The following ARHGAP19 variants were observed in gnomAD, a reference collection of about 807,000 sequenced individuals.
ARHGAP19 encodes the protein Rho GTPase activating protein 19, also known as rho GTPase-activating protein 19.
A neutral mutation model predicts 60.9 loss-of-function variants in ARHGAP19; 48 were observed. That is an observed-to-expected ratio of 0.79 (90% CI 0.62 to 1.00). The LOEUF (loss-of-function observed/expected upper bound fraction) is 1.00. Ranked by LOEUF, ARHGAP19 falls within the 50% of genes least tolerant of loss-of-function variation. The probability of loss-of-function intolerance (pLI) is 0.00; values close to 1 mark genes in which losing one functional copy is unlikely to be tolerated. For synonymous variants in ARHGAP19, 209 were observed against 215.5 expected (o/e 0.97, Z 0.27); for missense variants, 562 against 597.2 (o/e 0.94, Z 0.61).
chr10:97,291,122 T>C (rs1009051804), intron 1 of ARHGAP19, among the ~76,000 whole-genome samples: 3 of 152,102 alleles, frequency 2.0e-5, no homozygotes, highest in Non-Finnish European at 4.4e-5. Flanking sequence ...AATCATCTCT[T>C]GCCTGAGAGC....
chr10:97,235,231 T>G lies in ARHGAP19; in HGVS notation c.1270A>C (p.Ser424Arg), dbSNP rs769585651. 1.1e-5 allele frequency: 18 copies of G among 1,613,032 alleles called. No individual in the cohort carries two copies. Among genetic ancestry groups the G allele is most frequent in the Middle Eastern group, 1.6e-4 (1 of 6,082 alleles). The change falls in exon 9 of 12, where the codon AGT becomes CGT. Residue 424 changes from serine to arginine, a missense_variant. By Grantham distance (110) the Ser-to-Arg change is moderately radical. Transcript: ENST00000358531. ...AGCATACCTACCTTAATAAGCCCAC[T>G]GAAGGAGCGCGAACGAGCCCTCTTT... is the stretch of plus-strand genomic sequence containing the variant. The part of the protein sequence containing the change: ...VQKRARSRSF[S>R]GLIKRKVLGN...
chr10:97,238,132 A>G (rs1452695153), intron 8 of ARHGAP19, among the ~76,000 whole-genome samples: 2 of 152,218 alleles, frequency 1.3e-5, no homozygotes, highest in Non-Finnish European at 2.9e-5. Flanking sequence ...AATAAGATGT[A>G]GAGGCAGAAG....
At chr10:97,292,462 G>A (rs1411656342) in intron 1 of ARHGAP19, 110 bp downstream of exon 1, 12 of 1,390,060 alleles carry the variant, frequency 8.6e-6, no homozygotes, top group Admixed American at 5.5e-5. Flanking sequence ...AAACGCCGTG[G>A]GAGAAAGAAA....
chr10:97,268,388 T>C (rs1004674837), intron 1 of ARHGAP19, among the ~76,000 whole-genome samples: 3 of 152,226 alleles, frequency 2.0e-5, no homozygotes, highest in Non-Finnish European at 2.9e-5. Flanking sequence ...CTCTGCCTGT[T>C]ACTCAGTTCA....
chr10:97,260,824 T>C (rs146998600), intron 4 of ARHGAP19, among the ~76,000 whole-genome samples: 36 of 151,028 alleles, frequency 2.4e-4, no homozygotes, highest in Middle Eastern at 6.8e-3. Flanking sequence ...TCAGGCACAG[T>C]GGCACATGCC....
At chr10:97,289,998 G>A (rs1235378886) in intron 1 of ARHGAP19, among the ~76,000 whole-genome samples, 1 of 151,664 alleles carries the variant, frequency 6.6e-6, no homozygotes, top group Non-Finnish European at 1.5e-5. Flanking sequence ...GATGAAGGAT[G>A]ATCTAATCAA....
intron 1 of ARHGAP19, among the ~76,000 whole-genome samples, chr10:97,267,512 T>G (rs1842912894): frequency 6.6e-6 from 1 of 152,268 alleles, no homozygotes. Context: ...ATGGGGACTC[T>G]GTATGGGGGC....
At chr10:97,287,527 AG>A (rs1052792373) in intron 1 of ARHGAP19, among the ~76,000 whole-genome samples, 1 of 152,124 alleles carries the variant, frequency 6.6e-6, no homozygotes, top group Non-Finnish European at 1.5e-5. Flanking sequence ...GGAATGCTTG[AG>A]CCCAGGAGTT....
At chr10:97,227,866 TG>T (rs1232148155) in intron 11 of ARHGAP19, among the ~76,000 whole-genome samples, 1 of 152,258 alleles carries the variant, frequency 6.6e-6, no homozygotes, top group African/African-American at 2.4e-5. Flanking sequence ...AATATTAGAC[TG>T]GTTTTTAAAA....
At chr10:97,273,461 C>G (rs1201417767) in intron 1 of ARHGAP19, among the ~76,000 whole-genome samples, 2 of 150,632 alleles carry the variant, frequency 1.3e-5, no homozygotes, top group South Asian at 4.2e-4. Context: ...CCACGCCCAG[C>G]CTATTTCATT....
chr10:97,252,582 C>T (rs570149185), intron 6 of ARHGAP19, among the ~76,000 whole-genome samples: 221 of 152,008 alleles, frequency 1.5e-3, no homozygotes, highest in African/African-American at 5.2e-3. Flanking sequence ...TGAGATCGCG[C>T]CACTGCACTC....
chr10:97,251,429 G>A (rs1196740925), intron 6 of ARHGAP19, among the ~76,000 whole-genome samples: 2 of 52,956 alleles, frequency 3.8e-5, no homozygotes, highest in African/African-American at 8.5e-5. Flanking sequence ...GGGAAGGGAA[G>A]GGGAAGGGGA....
At chr10:97,259,900 A>C in intron 4 of ARHGAP19, among the ~76,000 whole-genome samples, 1 of 151,846 alleles carries the variant, frequency 6.6e-6, no homozygotes, top group African/African-American at 2.4e-5. Flanking sequence ...CAGTTACACA[A>C]TCTCAGCTCA....
chr10:97,233,130 T>C (rs779710972), intron 9 of ARHGAP19, among the ~76,000 whole-genome samples: 12 of 151,176 alleles, frequency 7.9e-5, no homozygotes, highest in South Asian at 4.2e-4. Flanking sequence ...GCCTGAGGCA[T>C]AGAGCGAGAC....
At chr10:97,251,240 AAGGGAAGGGGG>A (rs1290184165) in intron 6 of ARHGAP19, among the ~76,000 whole-genome samples, 9 of 19,120 alleles carry the variant, frequency 4.7e-4, no homozygotes, top group African/African-American at 6.4e-4. Flanking sequence ...AGGGAAGGGG[AAGGGAAGGGGG>A]AGGGAAGGGG....
At chr10:97,290,010 T>G (rs1843209229) in intron 1 of ARHGAP19, among the ~76,000 whole-genome samples, 2 of 152,048 alleles carry the variant, frequency 1.3e-5, no homozygotes, top group East Asian at 3.9e-4. Context: ...TCTAATCAAA[T>G]GTATCAATCA....
intron 1 of ARHGAP19, among the ~76,000 whole-genome samples, chr10:97,270,899 A>G (rs1265418460): frequency 1.3e-5 from 2 of 152,258 alleles, no homozygotes; most frequent in Non-Finnish European, 2.9e-5. Flanking sequence ...TCACCACTTA[A>G]GCTATGCTAG....
In ARHGAP19 at chr10:97,271,312, C is replaced by G. The variant is rs548153526; in HGVS notation, c.57-5187G>C. 5.9e-5 allele frequency among the ~76,000 whole-genome samples: 9 copies of G among 151,898 alleles called. No individual in the cohort carries two copies. In the South Asian group the frequency reaches 1.9e-3, roughly 32 times the overall value. On this transcript the variant is annotated intron_variant, in intron 1 of 11. Transcript: ENST00000358531. ...TGGATTTTATATTCATTTGAACGTA[C>G]TATCCATTCATAATAAATAAATAAA...
intron 1 of ARHGAP19, among the ~76,000 whole-genome samples, chr10:97,280,366 A>G (rs1843067918): frequency 1.3e-5 from 2 of 152,058 alleles, no homozygotes; most frequent in South Asian, 2.1e-4. Flanking sequence ...CCGAGATCAC[A>G]CCACTGCACT....
Sources: gnomAD v4.1 joint callset for allele counts (sites outside exome capture counted in the v4.1 genomes callset) on GRCh38, gnomAD v4.1.1 for gene constraint, MANE v1.5 for transcripts, NCBI Gene and HGNC (gene_info 2026-07-23, HGNC 2026-07-21) for gene names.